CCDC12: variants seen among roughly 807,000 people sequenced by gnomAD.
CCDC12 encodes coiled-coil domain-containing protein 12.
In CCDC12, 28 loss-of-function variants were observed where a neutral mutation model predicts 25.7. The observed-to-expected ratio is 1.09, with a 90% CI of 0.81 to 1.50. CCDC12 has a LOEUF of 1.50. Among genes scored for constraint, CCDC12 ranks in the 40% most tolerant of loss-of-function variants. The pLI is 0.00. For synonymous variants in CCDC12, 75 were observed against 87.7 expected, an observed-to-expected ratio of 0.86 and a Z score of 0.81; for missense variants, 198 against 210.0, an observed-to-expected ratio of 0.94 and a Z score of 0.35.
chr3:46,938,032 G>A (rs1377031336), intron 2 of CCDC12, among the ~76,000 whole-genome samples: 1 of 152,196 alleles, frequency 6.6e-6, no homozygotes, highest in Non-Finnish European at 1.5e-5. Flanking sequence ...GTCTCTAGAA[G>A]GACAGCCCCA....
intron 1 of CCDC12, among the ~76,000 whole-genome samples, chr3:46,967,431 A>C (rs2034674338): frequency 6.6e-6 from 1 of 150,884 alleles, no homozygotes; most frequent in Admixed American, 6.6e-5. Flanking sequence ...CATACCTCCC[A>C]CTGTTCACTC....
chr3:46,930,616 C>T (rs2033166591), intron 2 of CCDC12, among the ~76,000 whole-genome samples: 1 of 152,214 alleles, frequency 6.6e-6, no homozygotes, highest in African/African-American at 2.4e-5. Flanking sequence ...TCAGCCACCT[C>T]AGTGCCTCCA....
In CCDC12 at chr3:46,966,523, A is replaced by AAAAG. The variant is rs538285227; in HGVS notation, c.96+10110_96+10113dup. On this transcript the variant is annotated intron_variant, in intron 1 of 6. Coordinates refer to ENST00000683445, the MANE Select transcript of CCDC12 (RefSeq NM_001277074.2). Reference sequence around the variant, plus strand: ...AGAGTGAGACTCTGTCTCAAAAAAAAAAAGAAAGAAAGAAAGAAAGAACGA... The same window carrying AAAAG: ...AGAGTGAGACTCTGTCTCAAAAAAAAAAAGAAAGAAAGAAAGAAAGAAAGAACGA... Among the ~76,000 whole-genome samples, 306 of 151,758 alleles carry AAAAG rather than the reference A, an allele frequency of 2.0e-3. 1 individual carries two copies. The highest frequency in any genetic ancestry group is 6.7e-3 in the African/African-American group (277 of 41,366).
At chr3:46,922,670 C>T (rs906388913) in intron 5 of CCDC12, 8 of 353,432 alleles carry the variant, frequency 2.3e-5, no homozygotes, top group Admixed American at 9.0e-5. Context: ...CTCCAGCCAC[C>T]GGCCCAGCCC....
chr3:46,931,553 C>T (rs549692774), intron 2 of CCDC12, among the ~76,000 whole-genome samples: 40 of 152,246 alleles, frequency 2.6e-4, no homozygotes, highest in Admixed American at 5.9e-4. Context: ...GCGCTAGCCT[C>T]CCTTCTCATC....
At chr3:46,956,586 T>C (rs1321128204) in intron 1 of CCDC12, among the ~76,000 whole-genome samples, 3 of 151,984 alleles carry the variant, frequency 2.0e-5, no homozygotes, top group Non-Finnish European at 2.9e-5. Flanking sequence ...CTTTGGGAGG[T>C]TGAGACAGGA....
intron 2 of CCDC12, among the ~76,000 whole-genome samples, chr3:46,926,631 C>T (rs1368342454): frequency 2.6e-5 from 4 of 152,110 alleles, no homozygotes; most frequent in Admixed American, 1.3e-4. Flanking sequence ...CTCCACAGGG[C>T]GGCAGGGCGA....
At chr3:46,970,245 T>C (rs1295450449) in intron 1 of CCDC12, among the ~76,000 whole-genome samples, 3 of 150,452 alleles carry the variant, frequency 2.0e-5, no homozygotes, top group African/African-American at 7.3e-5. Flanking sequence ...CAACACAAAT[T>C]CGTAAACTTT....
intron 2 of CCDC12, among the ~76,000 whole-genome samples, chr3:46,936,647 C>T (rs967754135): frequency 6.6e-6 from 1 of 152,206 alleles, no homozygotes; most frequent in Non-Finnish European, 1.5e-5. Context: ...TGTCTATGTC[C>T]TTTCATTTCA....
chr3:46,933,897 T>G (rs2033334229), intron 2 of CCDC12, among the ~76,000 whole-genome samples: 1 of 151,276 alleles, frequency 6.6e-6, no homozygotes, highest in Admixed American at 6.6e-5. Flanking sequence ...AATAAAAAAA[T>G]CTATAATTTA....
intron 4 of CCDC12, 27 bp downstream of exon 4, chr3:46,923,580 G>T: frequency 1.9e-6 from 3 of 1,602,698 alleles, no homozygotes; most frequent in Non-Finnish European, 2.6e-6. Context: ...GAAGCAGCGA[G>T]GATGCCAGGG....
At chr3:46,954,952 C>T (rs7617689) in intron 1 of CCDC12, among the ~76,000 whole-genome samples, 69,447 of 151,632 alleles carry the variant, frequency 0.46, 16,219 homozygotes, top group Middle Eastern at 0.55. Context: ...AACCAACCGA[C>T]AGCCAACACC....
At chr3:46,939,056 T>A (rs1249793034) in intron 2 of CCDC12, among the ~76,000 whole-genome samples, 1 of 152,182 alleles carries the variant, frequency 6.6e-6, no homozygotes, top group African/African-American at 2.4e-5. Context: ...GTCAGCTCCA[T>A]GAGGGTAGGG....
chr3:46,946,151 C>T (rs4683286), intron 1 of CCDC12, among the ~76,000 whole-genome samples: 145,663 of 152,270 alleles, frequency 0.96, 70,031 homozygotes, highest in East Asian at 1. Context: ...ATGTCCTCCT[C>T]TTGCCCCTTC....
At chr3:46,940,173 C>T (rs1028296017) in intron 2 of CCDC12, among the ~76,000 whole-genome samples, 3 of 152,228 alleles carry the variant, frequency 2.0e-5, no homozygotes, top group African/African-American at 7.2e-5. Context: ...ATCAGCAGCA[C>T]AGCTTTGCCT....
chr3:46,979,926 G>GC, upstream of CCDC12: 1 of 376,440 alleles, frequency 2.7e-6, no homozygotes, highest in Non-Finnish European at 4.8e-6. Flanking sequence ...AGCCCGCCCC[G>GC]CCCCGCGCCC....
At chr3:46,938,704 T>C (rs2107133119) in intron 2 of CCDC12, among the ~76,000 whole-genome samples, 1 of 151,662 alleles carries the variant, frequency 6.6e-6, no homozygotes, top group East Asian at 1.9e-4. Context: ...AAAAATTAGC[T>C]GGGCATAGTG....
intron 2 of CCDC12, among the ~76,000 whole-genome samples, chr3:46,933,393 C>T (rs1465863450): frequency 6.6e-6 from 1 of 152,226 alleles, no homozygotes; most frequent in African/African-American, 2.4e-5. Context: ...GAGCCCCCAC[C>T]AAGACAGATC....
At chr3:46,957,090 G>GC (rs901290850) in intron 1 of CCDC12, among the ~76,000 whole-genome samples, 8 of 152,098 alleles carry the variant, frequency 5.3e-5, no homozygotes, top group Admixed American at 3.9e-4. Flanking sequence ...AGCCAAAAGT[G>GC]CCCCACTCAC....
Sources: gnomAD v4.1 joint callset for allele counts (sites outside exome capture counted in the v4.1 genomes callset) on GRCh38, gnomAD v4.1.1 for gene constraint, MANE v1.5 for transcripts, NCBI Gene and HGNC (gene_info 2026-07-23, HGNC 2026-07-21) for gene names.